RNF111: variants seen among roughly 807,000 people sequenced by gnomAD.
The protein encoded by RNF111 is E3 ubiquitin-protein ligase Arkadia.
RNF111 carries 17 observed loss-of-function variants against 95.1 expected under a neutral mutation model. The ratio of observed to expected loss-of-function variants is 0.18; its 90% confidence interval spans 0.12 to 0.27. The LOEUF is 0.27. Ranked by LOEUF, RNF111 falls within the 10% of genes least tolerant of loss-of-function variation. RNF111 has a pLI of 1.00. For missense variants in RNF111, 1,189 were observed against 1,210.4 expected (o/e 0.98, Z 0.26); for synonymous variants, 440 against 414.8 (o/e 1.06, Z -0.74).
At chr15:59,024,563 G>A (rs1329024604) in intron 1 of RNF111, among the ~76,000 whole-genome samples, 1 of 152,200 alleles carries the variant, frequency 6.6e-6, no homozygotes, top group Non-Finnish European at 1.5e-5. Context: ...AGAAGCAGAT[G>A]CCAACATAGG....
At position 59,096,892 on chromosome 15, in the gene RNF111, A is replaced by G. The variant is rs1235254913; in HGVS notation, c.*1992A>G. 1 of 152,218 alleles carries G rather than the reference A, an allele frequency of 6.6e-6. No homozygotes were observed. Among genetic ancestry groups the G allele is most frequent in the African/African-American group, 2.4e-5 (1 of 41,472 alleles). The allele number at this position is 152,218 out of a possible 1,614,324, so 9.4% of individuals were successfully genotyped here. The stretch of plus-strand genomic sequence containing the variant: ...CATGGAGTCCTCTTGACGTTCCCCC[A>G]GATACAAGTAAAGCACAGGTGGATT... On this transcript the variant is annotated 3_prime_UTR_variant, in exon 14 of 14. Transcript: ENST00000348370.
At position 58,992,108 on chromosome 15, in the gene RNF111, G is replaced by A. The variant is rs941961746; in HGVS notation, c.-20+4040G>A. Among the ~76,000 whole-genome samples, 4 of 152,250 alleles carry A rather than the reference G, an allele frequency of 2.6e-5. No individual in the cohort carries two copies. The East Asian group carries it at 7.7e-4, about 29-fold the overall frequency. On this transcript the variant is annotated intron_variant, in intron 1 of 13. Transcript: ENST00000348370. ...TGCCCAAGCTGGAGTGCAGTGGTGT[G>A]ATCTCAGCTCACTGAAGCCTCCACC... is the stretch of plus-strand genomic sequence containing the variant.
chr15:59,070,684 T>A (rs2042882402), intron 6 of RNF111, among the ~76,000 whole-genome samples: 1 of 152,132 alleles, frequency 6.6e-6, no homozygotes, highest in South Asian at 2.1e-4. Context: ...AAGGAGCTCC[T>A]CCTTTTCTCT....
intron 2 of RNF111, among the ~76,000 whole-genome samples, chr15:59,043,615 T>TGG (rs2041572162): frequency 6.6e-6 from 1 of 152,180 alleles, no homozygotes; most frequent in Non-Finnish European, 1.5e-5. Flanking sequence ...GTTTCCGGTA[T>TGG]TTGCTATTGT....
intron 1 of RNF111, among the ~76,000 whole-genome samples, chr15:59,026,938 G>T (rs1164377891): frequency 1.3e-5 from 2 of 152,072 alleles, no homozygotes; most frequent in Non-Finnish European, 2.9e-5. Flanking sequence ...CTCTACCCTT[G>T]TCTCATTGGA....
chr15:59,047,249 A>G (rs2041756884), intron 2 of RNF111, among the ~76,000 whole-genome samples: 1 of 152,246 alleles, frequency 6.6e-6, no homozygotes, highest in South Asian at 2.1e-4. Context: ...TAATCCTAGC[A>G]CTTTGGGAGT....
At chr15:59,049,260 A>G (rs1019777019) in intron 2 of RNF111, 1 of 152,180 alleles carries the variant, frequency 6.6e-6, no homozygotes, top group Non-Finnish European at 1.5e-5. Context: ...GATACTTCAC[A>G]TAACTGGAAT....
intron 8 of RNF111, 75 bp downstream of exon 8, chr15:59,081,359 A>G (rs1194455239): frequency 7.9e-7 from 1 of 1,266,426 alleles, no homozygotes; most frequent in African/African-American, 1.5e-5. Flanking sequence ...CAACTCTGAA[A>G]TCCAACTAGG....
In RNF111 at chr15:59,058,374, C is replaced by T. The variant is rs2042287426; in HGVS notation, c.1190C>T (p.Thr397Ile). 7 of 1,613,972 alleles carry T rather than the reference C, an allele frequency of 4.3e-6. No individual in the cohort carries two copies. The East Asian group carries it at 8.9e-5, about 21-fold the overall frequency. Residue 397 changes from threonine (T) to isoleucine (I), a missense_variant, in exon 5 of 14, where the codon ACC becomes ATC. By Grantham distance (89) the Thr-to-Ile change is moderately conservative. Coordinates refer to ENST00000348370, the MANE Select transcript of RNF111 (RefSeq NM_017610.8). ...TTTGTAGAACCTACTGTAGTACCAA[C>T]CACTTCTGCAAGAATGGAATCACAA... ...VDEDEPTVVP[T>I]TSARMESQAT...
At chr15:59,066,252 T>G (rs1165995094) in intron 5 of RNF111, among the ~76,000 whole-genome samples, 1 of 152,204 alleles carries the variant, frequency 6.6e-6, no homozygotes, top group African/African-American at 2.4e-5. Context: ...CTGAAGAATT[T>G]AGAGTTTCAG....
chr15:59,001,491 G>T (rs1235914938), intron 1 of RNF111, among the ~76,000 whole-genome samples: 2 of 152,026 alleles, frequency 1.3e-5, no homozygotes, highest in African/African-American at 4.8e-5. Flanking sequence ...TGAAATAAAG[G>T]TCTTGTATAA....
At chr15:59,043,231 T>C (rs1423929724) in intron 2 of RNF111, among the ~76,000 whole-genome samples, 3 of 151,992 alleles carry the variant, frequency 2.0e-5, no homozygotes, top group Non-Finnish European at 2.9e-5. Flanking sequence ...CTCCGCTCAC[T>C]GCAGCCTCCG....
At chr15:59,003,542 G>A (rs1490177665) in intron 1 of RNF111, among the ~76,000 whole-genome samples, 1 of 151,828 alleles carries the variant, frequency 6.6e-6, no homozygotes, top group Non-Finnish European at 1.5e-5. Context: ...GGGACTACAG[G>A]TGCGTGCTAC....
chr15:59,072,811 A>G (rs975606501), intron 6 of RNF111, among the ~76,000 whole-genome samples: 7 of 150,208 alleles, frequency 4.7e-5, no homozygotes, highest in African/African-American at 1.7e-4. Flanking sequence ...TCAAGAAACC[A>G]CTTTTGCTGC....
chr15:59,029,145 A>C (rs993874595), intron 1 of RNF111, among the ~76,000 whole-genome samples: 1 of 151,456 alleles, frequency 6.6e-6, no homozygotes, highest in Non-Finnish European at 1.5e-5. Flanking sequence ...TTACATTTCC[A>C]TCAGCAATAT....
At chr15:59,044,324 C>T (rs2041609045) in intron 2 of RNF111, among the ~76,000 whole-genome samples, 1 of 152,194 alleles carries the variant, frequency 6.6e-6, no homozygotes, top group Admixed American at 6.5e-5. Flanking sequence ...AGCCACCACG[C>T]CTGGCCATGG....
intron 1 of RNF111, among the ~76,000 whole-genome samples, chr15:58,994,860 GT>G: frequency 6.6e-6 from 1 of 152,094 alleles, no homozygotes; most frequent in Admixed American, 6.6e-5. Context: ...TATTCACTGT[GT>G]ATTGTATTCT....
At chr15:58,997,171 C>T (rs1263039657) in intron 1 of RNF111, among the ~76,000 whole-genome samples, 1 of 152,024 alleles carries the variant, frequency 6.6e-6, no homozygotes, top group Non-Finnish European at 1.5e-5. Flanking sequence ...AAAAACAAGG[C>T]TCCTTGCCAT....
At chr15:59,003,144 C>G (rs759512790) in intron 1 of RNF111, among the ~76,000 whole-genome samples, 10 of 152,182 alleles carry the variant, frequency 6.6e-5, no homozygotes, top group Non-Finnish European at 1.5e-4. Flanking sequence ...GAGACAAGGT[C>G]TCACTCAGTT....
Sources: allele counts gnomAD v4.1 joint callset (sites outside exome capture counted in the v4.1 genomes callset), GRCh38; gene constraint gnomAD v4.1.1; transcripts MANE v1.5; gene names NCBI Gene and HGNC (gene_info 2026-07-23, HGNC 2026-07-21).